PTPRD: variants seen among roughly 807,000 people sequenced by gnomAD.
PTPRD encodes receptor-type tyrosine-protein phosphatase delta.
In PTPRD, 34 loss-of-function variants were observed where a neutral mutation model predicts 214.5. The observed-to-expected ratio is 0.16, with a 90% CI of 0.12 to 0.21. The LOEUF (loss-of-function observed/expected upper bound fraction) is 0.21, where lower values mean the gene tolerates loss of function less well. Among genes scored for constraint, PTPRD ranks in the 10% least tolerant of loss-of-function variants. The probability of loss-of-function intolerance (pLI) is 1.00; values close to 1 mark genes in which losing one functional copy is unlikely to be tolerated. For synonymous variants in PTPRD, 1,128 were observed against 845.7 expected, an observed-to-expected ratio of 1.33 and a Z score of -5.79; for missense variants, 2,545 against 2,398.7, an observed-to-expected ratio of 1.06 and a Z score of -1.27.
At chr9:8,708,679 C>CA (rs765081509) in intron 12 of PTPRD, among the ~76,000 whole-genome samples, 8,472 of 39,216 alleles carry the variant, frequency 0.22, 1,346 homozygotes, top group Non-Finnish European at 0.28. Context: ...GACTCTGTCT[C>CA]AAAAAAAAAA....
At chr9:8,681,198 A>G (rs2097543056) in intron 12 of PTPRD, among the ~76,000 whole-genome samples, 2 of 152,290 alleles carry the variant, frequency 1.3e-5, no homozygotes, top group East Asian at 3.9e-4. Context: ...GCAGACACTC[A>G]GTGTAGATGA....
At chr9:8,418,900 A>T (rs1197768464) in intron 35 of PTPRD, among the ~76,000 whole-genome samples, 1 of 152,116 alleles carries the variant, frequency 6.6e-6, no homozygotes, top group African/African-American at 2.4e-5. Context: ...TAGTAGGCAA[A>T]TTTGAGTAAA....
At chr9:9,712,242 T>C (rs956331915) in intron 7 of PTPRD, among the ~76,000 whole-genome samples, 5 of 152,096 alleles carry the variant, frequency 3.3e-5, no homozygotes, top group Admixed American at 2.0e-4. Context: ...AGAAAGAAAA[T>C]AATAACATTT....
chr9:9,604,056 G>A (rs2093982204), intron 7 of PTPRD, among the ~76,000 whole-genome samples: 1 of 151,778 alleles, frequency 6.6e-6, no homozygotes, highest in Admixed American at 6.6e-5. Context: ...GCATTAGTTT[G>A]ATTAATATAA....
chr9:10,449,335 T>A (rs369361662), intron 2 of PTPRD, among the ~76,000 whole-genome samples: 2,121 of 151,952 alleles, frequency 0.014, 81 homozygotes, highest in African/African-American at 0.046. Context: ...TCTCGCTCAC[T>A]CAGTGCTCAA....
intron 23 of PTPRD, among the ~76,000 whole-genome samples, chr9:8,501,784 T>C (rs2097415385): frequency 6.6e-6 from 1 of 152,174 alleles, no homozygotes; most frequent in Non-Finnish European, 1.5e-5. Flanking sequence ...AATGTCAGGA[T>C]TGTTGATTCT....
intron 2 of PTPRD, among the ~76,000 whole-genome samples, chr9:10,449,423 C>T (rs1360629276): frequency 6.6e-6 from 1 of 151,856 alleles, no homozygotes; most frequent in South Asian, 2.1e-4. Context: ...CCTTGGCCTC[C>T]CAAAGTACCA....
chr9:9,493,505 G>A (rs983835174), intron 8 of PTPRD, among the ~76,000 whole-genome samples: 1 of 151,998 alleles, frequency 6.6e-6, no homozygotes, highest in Non-Finnish European at 1.5e-5. Flanking sequence ...AATACATTTT[G>A]TGTCCGGGTA....
At chr9:10,207,445 A>G (rs2099489054) in intron 3 of PTPRD, among the ~76,000 whole-genome samples, 1 of 151,828 alleles carries the variant, frequency 6.6e-6, no homozygotes. Context: ...CATCATAAAA[A>G]TAACTAGAAA....
intron 12 of PTPRD, among the ~76,000 whole-genome samples, chr9:8,639,511 G>T (rs1253374892): frequency 6.6e-6 from 1 of 152,156 alleles, no homozygotes; most frequent in Non-Finnish European, 1.5e-5. Flanking sequence ...TTTCTTGCAA[G>T]AACATGTGAA....
intron 2 of PTPRD, among the ~76,000 whole-genome samples, chr9:10,424,130 G>A (rs1042013681): frequency 6.6e-6 from 1 of 151,874 alleles, no homozygotes; most frequent in African/African-American, 2.4e-5. Context: ...AAGAATTGGT[G>A]GAACATTATG....
chr9:8,603,266 A>C (rs1185239361), intron 14 of PTPRD, among the ~76,000 whole-genome samples: 1 of 152,116 alleles, frequency 6.6e-6, no homozygotes, highest in East Asian at 1.9e-4. Context: ...ACTACAAGGC[A>C]ATTATTAGAT....
At chr9:9,782,012 T>G (rs528898099) in intron 5 of PTPRD, among the ~76,000 whole-genome samples, 22 of 152,268 alleles carry the variant, frequency 1.4e-4, no homozygotes, top group African/African-American at 5.1e-4. Context: ...CAGGATGGTC[T>G]CGATCTCCTG....
chr9:9,928,889 T>C (rs1480685265), intron 5 of PTPRD, among the ~76,000 whole-genome samples: 1 of 152,106 alleles, frequency 6.6e-6, no homozygotes, highest in Non-Finnish European at 1.5e-5. Flanking sequence ...ATCAATTAGT[T>C]TTCACACTTA....
chr9:10,371,888 T>C (rs781755896), intron 2 of PTPRD, among the ~76,000 whole-genome samples: 32 of 152,092 alleles, frequency 2.1e-4, no homozygotes, highest in Non-Finnish European at 4.6e-4. Context: ...AACAGCTGAT[T>C]GCATTTTGAT....
At chr9:10,327,058 T>C (rs1001630732) in intron 3 of PTPRD, among the ~76,000 whole-genome samples, 7 of 151,122 alleles carry the variant, frequency 4.6e-5, no homozygotes, top group African/African-American at 1.7e-4. Context: ...GATTCTCTAC[T>C]AGACAATTAA....
At chr9:9,277,414 A>G (rs1486713846) in intron 9 of PTPRD, among the ~76,000 whole-genome samples, 3 of 151,364 alleles carry the variant, frequency 2.0e-5, no homozygotes, top group Admixed American at 6.6e-5. Flanking sequence ...AAAGAAATGG[A>G]TAATCACAAT....
intron 2 of PTPRD, among the ~76,000 whole-genome samples, chr9:10,350,723 C>T (rs1314061411): frequency 2.6e-5 from 4 of 152,166 alleles, no homozygotes; most frequent in Non-Finnish European, 4.4e-5. Context: ...TGCACAACCT[C>T]TCAAAACAAT....
intron 14 of PTPRD, among the ~76,000 whole-genome samples, chr9:8,611,731 GA>G (rs947418784): frequency 1.7e-5 from 2 of 116,204 alleles, no homozygotes; most frequent in Non-Finnish European, 3.6e-5. Flanking sequence ...AAAGACAAAA[GA>G]AAAAAGAAAA....
Sources: allele counts gnomAD v4.1 joint callset (sites outside exome capture counted in the v4.1 genomes callset), GRCh38; gene constraint gnomAD v4.1.1; transcripts MANE v1.5; gene names NCBI Gene and HGNC (gene_info 2026-07-23, HGNC 2026-07-21).